Variants in UGT3A2 observed in about 807,000 individuals in gnomAD.
UGT3A2 encodes UDP glycosyltransferase family 3 member A2.
A neutral mutation model predicts 39.8 loss-of-function variants in UGT3A2; 32 were observed. That is an observed-to-expected ratio of 0.80 (90% CI 0.61 to 1.08). The LOEUF is 1.08. UGT3A2 is among the 50% of genes least tolerant of loss of function. The pLI is 0.00. For synonymous variants in UGT3A2, 241 were observed against 230.7 expected, an observed-to-expected ratio of 1.04 and a Z score of -0.40; for missense variants, 611 against 637.1, an observed-to-expected ratio of 0.96 and a Z score of 0.44.
At chr5:36,051,732 ATCCG>A (rs72303780) in intron 3 of UGT3A2, 134 bp downstream of exon 3, 251,288 of 658,156 alleles carry the variant, frequency 0.38, 48,041 homozygotes, top group Non-Finnish European at 0.43. Context: ...CAATCCATCC[ATCCG>A]TCCATCCATC....
At chr5:36,051,540 T>C (rs546980092) in intron 3 of UGT3A2, among the ~76,000 whole-genome samples, 1 of 152,322 alleles carries the variant, frequency 6.6e-6, no homozygotes, top group East Asian at 1.9e-4. Context: ...TTATAGGCAA[T>C]TGTTGTAGGT....
intron 6 of UGT3A2, among the ~76,000 whole-genome samples, chr5:36,037,447 C>T (rs765345709): frequency 3.3e-5 from 5 of 152,004 alleles, no homozygotes; most frequent in Admixed American, 6.6e-5. Context: ...GAGAAGAGTG[C>T]GGAGTATTTG....
chr5:36,051,481 C>T (rs1254439752), intron 3 of UGT3A2, among the ~76,000 whole-genome samples: 1 of 152,124 alleles, frequency 6.6e-6, no homozygotes, highest in African/African-American at 2.4e-5. Context: ...AATTTTCCCA[C>T]CAACAGTGAA....
chr5:36,065,490 A>G (rs1230881007), intron 1 of UGT3A2, among the ~76,000 whole-genome samples: 1 of 152,136 alleles, frequency 6.6e-6, no homozygotes, highest in African/African-American at 2.4e-5. Flanking sequence ...GCACCTCAGA[A>G]ATGACATCAA....
Position 36,049,042 on chromosome 5 carries a change from T to C in UGT3A2, c.690A>G (p.Thr230=). ...TFDNTIKEHF[T]EGSRPVLSHL... ...GAGACAAAACTGGCCTAGAGCCTTC[T>C]GTGAAATGTTCCTTGATGGTGTTGT... The change falls in exon 4 of 7, where the codon ACA becomes ACG. Residue 230 remains threonine, a synonymous_variant. Coordinates refer to ENST00000282507, the MANE Select transcript of UGT3A2 (RefSeq NM_174914.4). 1 of 1,614,230 alleles carries C rather than the reference T, an allele frequency of 6.2e-7. No individual in the cohort carries two copies. Among genetic ancestry groups the C allele is most frequent in the South Asian group, 1.1e-5 (1 of 91,086 alleles).
intron 4 of UGT3A2, among the ~76,000 whole-genome samples, chr5:36,043,577 A>G (rs1451191868): frequency 6.6e-6 from 1 of 152,004 alleles, no homozygotes; most frequent in Non-Finnish European, 1.5e-5. Context: ...AATGAAATGA[A>G]AAGTTTGGTT....
chr5:36,046,151 ATTGT>A (rs542993478), intron 4 of UGT3A2, among the ~76,000 whole-genome samples: 208 of 152,334 alleles, frequency 1.4e-3, no homozygotes, highest in Admixed American at 2.9e-3. Flanking sequence ...AAACTCGCAC[ATTGT>A]TTGTGGGAAT....
At position 36,051,965 on chromosome 5, in the gene UGT3A2, T is replaced by C. The variant is rs1235090587; in HGVS notation, c.216A>G (p.Lys72=). 6.4e-7 allele frequency: 1 copy of C among 1,566,152 alleles called. No homozygotes were observed. The highest frequency in any genetic ancestry group is 1.2e-5 in the South Asian group (1 of 81,322). The part of the protein sequence containing the change: ...PFMPDFKKEE[K]SYQVISWLAP... ...CAAGCCAACTGATAACTTGATATGA[T>C]TTTTCTTCCTTTTTAAAATCTAAGA... Residue 72 remains lysine, a synonymous_variant, in exon 3 of 7, where the codon AAA becomes AAG. Coordinates refer to ENST00000282507, the MANE Select transcript of UGT3A2 (RefSeq NM_174914.4).
chr5:36,046,894 C>G (rs372313036), intron 4 of UGT3A2, among the ~76,000 whole-genome samples: 119 of 152,176 alleles, frequency 7.8e-4, no homozygotes, highest in African/African-American at 2.8e-3. Context: ...TAGCTCTTAA[C>G]AAAGTTAGTG....
intron 2 of UGT3A2, among the ~76,000 whole-genome samples, chr5:36,060,008 A>T (rs965022686): frequency 6.6e-6 from 1 of 152,206 alleles, no homozygotes; most frequent in Admixed American, 6.5e-5. Context: ...GAATGTGAAG[A>T]TGGAATGAGG....
chr5:36,038,660 C>G (rs1477363982), intron 5 of UGT3A2, among the ~76,000 whole-genome samples: 1 of 152,204 alleles, frequency 6.6e-6, no homozygotes, highest in Non-Finnish European at 1.5e-5. Flanking sequence ...CTGGGTCACT[C>G]AACTGCAATG....
chr5:36,049,025 A>T lies in UGT3A2; in HGVS notation c.707T>A (p.Val236Asp). The change falls in exon 4 of 7, where the codon GTT becomes GAT. Residue 236 changes from valine (V) to aspartate (D), a missense_variant. Physicochemically the swap from Val to Asp is radical, Grantham distance 152 (BLOSUM62 -3). Coordinates refer to ENST00000282507, the MANE Select transcript of UGT3A2 (RefSeq NM_174914.4). ...TGCTTTCAGTAGAAGATGAGACAAA[A>T]CTGGCCTAGAGCCTTCTGTGAAATG... ...KEHFTEGSRP[V>D]LSHLLLKAEL... is the part of the protein sequence containing the mutation. 6.2e-7 allele frequency: 1 copy of T among 1,614,184 alleles called. No individual in the cohort carries two copies. The highest frequency in any genetic ancestry group is 8.5e-7 in the Non-Finnish European group (1 of 1,180,040).
At chr5:36,045,692 T>C (rs2111717450) in intron 4 of UGT3A2, among the ~76,000 whole-genome samples, 1 of 152,016 alleles carries the variant, frequency 6.6e-6, no homozygotes, top group South Asian at 2.1e-4. Context: ...AAGAAAACAT[T>C]GGGGAAACGC....
intron 2 of UGT3A2, among the ~76,000 whole-genome samples, chr5:36,053,685 A>T (rs1016990792): frequency 6.6e-6 from 1 of 152,220 alleles, no homozygotes; most frequent in African/African-American, 2.4e-5. Context: ...AACACAACAC[A>T]AGGTATTGTC....
At chr5:36,060,672 C>A (rs989463820) in intron 2 of UGT3A2, among the ~76,000 whole-genome samples, 1 of 152,106 alleles carries the variant, frequency 6.6e-6, no homozygotes, top group Non-Finnish European at 1.5e-5. Context: ...CGTTCAGTCT[C>A]GTAATGATGG....
rs563258633 is a variant in UGT3A2 at position 36,039,763 on chromosome 5, T to C, written c.844-55A>G. Reference sequence around the variant, plus strand: ...GACAAAATTATTGGTGAAAGCCTAGTTGACCAGAAAATGAAAGCCAGAGTA... The same window carrying C: ...GACAAAATTATTGGTGAAAGCCTAGCTGACCAGAAAATGAAAGCCAGAGTA... On this transcript the variant is annotated intron_variant, in intron 4 of 6. Transcript: ENST00000282507. The C allele has an allele frequency of 4.4e-5, 66 of 1,494,396 alleles. No homozygotes were observed. The African/African-American group carries it at 6.4e-4, about 14-fold the overall frequency. The allele number at this position is 1,494,396 out of a possible 1,614,324, so 92.6% of individuals were successfully genotyped here.
At chr5:36,062,498 G>T (rs1324526425) in intron 2 of UGT3A2, among the ~76,000 whole-genome samples, 1 of 151,632 alleles carries the variant, frequency 6.6e-6, no homozygotes, top group Non-Finnish European at 1.5e-5. Context: ...ATTAAATAGG[G>T]AATCCTTTCC....
intron 4 of UGT3A2, among the ~76,000 whole-genome samples, chr5:36,042,168 G>C (rs1004555947): frequency 1.3e-5 from 2 of 151,872 alleles, no homozygotes; most frequent in African/African-American, 4.8e-5. Context: ...GCAGAAGAAA[G>C]AATAAGTGAG....
At chr5:36,044,260 C>A (rs900093545) in intron 4 of UGT3A2, among the ~76,000 whole-genome samples, 1 of 151,980 alleles carries the variant, frequency 6.6e-6, no homozygotes, top group African/African-American at 2.4e-5. Context: ...TCAATTGATG[C>A]TGAAAAAGCA....
Sources: gnomAD v4.1 joint callset for allele counts (sites outside exome capture counted in the v4.1 genomes callset) on GRCh38, gnomAD v4.1.1 for gene constraint, MANE v1.5 for transcripts, NCBI Gene and HGNC (gene_info 2026-07-23, HGNC 2026-07-21) for gene names.